NR3C1: variants seen among roughly 807,000 people sequenced by gnomAD.
NR3C1 encodes the protein glucocorticoid receptor.
NR3C1 carries 14 observed loss-of-function variants against 74.0 expected under a neutral mutation model. The ratio of observed to expected loss-of-function variants is 0.19; its 90% CI spans 0.12 to 0.30. The LOEUF (loss-of-function observed/expected upper bound fraction) is 0.30. NR3C1 is among the 10% of genes least tolerant of loss of function. The pLI is 1.00. For synonymous variants in NR3C1, 308 were observed against 332.5 expected (o/e 0.93, Z 0.80); for missense variants, 695 against 909.8 (o/e 0.76, Z 3.04).
chr5:143,404,284 G>A (rs1840897257), upstream of NR3C1: 1 of 985,592 alleles, frequency 1.0e-6, no homozygotes, highest in Non-Finnish European at 1.2e-6. Context: ...GTGCCGCAGC[G>A]TCTCGGCCGC....
At chr5:143,347,692 T>G (rs1829549262) in intron 2 of NR3C1, among the ~76,000 whole-genome samples, 1 of 152,214 alleles carries the variant, frequency 6.6e-6, no homozygotes, top group African/African-American at 2.4e-5. Flanking sequence ...TGTAGAAATT[T>G]AGATCAAACA....
At chr5:143,330,565 A>G (rs563014555) in intron 2 of NR3C1, among the ~76,000 whole-genome samples, 2 of 152,330 alleles carry the variant, frequency 1.3e-5, no homozygotes, top group East Asian at 3.9e-4. Context: ...AGGAATAAGA[A>G]TGTGAATGTC....
intron 2 of NR3C1, among the ~76,000 whole-genome samples, chr5:143,383,665 A>C (rs1396026265): frequency 6.6e-6 from 1 of 152,236 alleles, no homozygotes; most frequent in Non-Finnish European, 1.5e-5. Flanking sequence ...TATTGTTAAA[A>C]GCAGAGAGAA....
intron 3 of NR3C1, among the ~76,000 whole-genome samples, chr5:143,311,787 C>CGT (rs889650364): frequency 6.6e-5 from 9 of 136,176 alleles, no homozygotes; most frequent in Non-Finnish European, 1.2e-4. Flanking sequence ...GCCTGGATAA[C>CGT]GTTTTTTTTT....
chr5:143,392,110 C>T (rs534657517), intron 2 of NR3C1, among the ~76,000 whole-genome samples: 1 of 152,210 alleles, frequency 6.6e-6, no homozygotes, highest in African/African-American at 2.4e-5. Context: ...GGACTACAGG[C>T]ACCAGCCACC....
intron 2 of NR3C1, among the ~76,000 whole-genome samples, chr5:143,333,628 T>A (rs1826471632): frequency 1.3e-5 from 2 of 151,974 alleles, no homozygotes; most frequent in South Asian, 4.1e-4. Context: ...ATGAGCTGGG[T>A]GTGGTGGCAC....
intron 2 of NR3C1, among the ~76,000 whole-genome samples, chr5:143,392,158 G>C (rs1210116886): frequency 6.6e-6 from 1 of 151,926 alleles, no homozygotes; most frequent in Non-Finnish European, 1.5e-5. Context: ...GTAGAGACAG[G>C]GTTTCACCGT....
chr5:143,286,409 C>T (rs1429808102), intron 7 of NR3C1, among the ~76,000 whole-genome samples: 11 of 151,984 alleles, frequency 7.2e-5, no homozygotes, highest in Non-Finnish European at 1.5e-4. Context: ...TATATCATAA[C>T]CAAATAGGAT....
intron 2 of NR3C1, among the ~76,000 whole-genome samples, chr5:143,355,813 A>G (rs952977721): frequency 6.6e-6 from 1 of 152,220 alleles, no homozygotes; most frequent in Non-Finnish European, 1.5e-5. Context: ...AATACTTAAT[A>G]ATTAGTACAG....
chr5:143,391,863 G>A (rs776373418), intron 2 of NR3C1, among the ~76,000 whole-genome samples: 1 of 152,096 alleles, frequency 6.6e-6, no homozygotes, highest in Non-Finnish European at 1.5e-5. Context: ...ATGTCATAAC[G>A]TACTTAGCCA....
Position 143,310,233 on chromosome 5 carries a change from C to A in NR3C1, c.1352-20G>T. ...GCTGTCCTATATGGAATAAAAGGCA[C>A]TATTAAAGTTTCACAGGTCTTCAAA... On this transcript the variant is annotated intron_variant, in intron 3 of 8. Transcript: ENST00000394464. The A allele has an allele frequency of 6.5e-7, 1 of 1,536,508 alleles. No individual in the cohort carries two copies. Among genetic ancestry groups the A allele is most frequent in the Non-Finnish European group, 9.0e-7 (1 of 1,111,480 alleles).
intron 2 of NR3C1, among the ~76,000 whole-genome samples, chr5:143,364,243 A>G (rs920191911): frequency 1.3e-5 from 2 of 152,258 alleles, no homozygotes; most frequent in Non-Finnish European, 2.9e-5. Flanking sequence ...TGACATATTC[A>G]TAATGCTGAA....
At chr5:143,309,009 T>C (rs1201496941) in intron 4 of NR3C1, among the ~76,000 whole-genome samples, 1 of 152,110 alleles carries the variant, frequency 6.6e-6, no homozygotes, top group Admixed American at 6.6e-5. Flanking sequence ...AGATCAGTGT[T>C]AATTATACAA....
At chr5:143,285,395 T>TAAAC (rs1171008880) in intron 7 of NR3C1, among the ~76,000 whole-genome samples, 1 of 152,144 alleles carries the variant, frequency 6.6e-6, no homozygotes, top group East Asian at 1.9e-4. Context: ...TCTAACATTA[T>TAAAC]AAACACCTTT....
Position 143,400,739 on chromosome 5 carries a change from C to G in NR3C1, c.101G>C (p.Arg34Thr). ...AGAAACCTTCACAGTAGCTCCTCCT[C>G]TTAGGGTTTTATAGAAGTCCATCAC... ...GDVMDFYKTLRGGATVKVSAS... is the reference protein window; with the variant it reads ...GDVMDFYKTLTGGATVKVSAS... Residue 34 changes from arginine to threonine, a missense_variant, in exon 2 of 9, where the codon AGA (arginine) becomes ACA (threonine). Arg to Thr is a moderately conservative substitution (Grantham distance 71). This residue lies in a region of NR3C1 where 497 missense variants were observed against 489.5 expected (regional missense o/e 1.02). Transcript: ENST00000394464. 6.2e-7 allele frequency: 1 copy of G among 1,614,222 alleles called. No homozygotes were observed. Among genetic ancestry groups the G allele is most frequent in the South Asian group, 1.1e-5 (1 of 91,082 alleles).
intron 6 of NR3C1, among the ~76,000 whole-genome samples, chr5:143,295,811 A>C (rs1003960985): frequency 3.9e-5 from 6 of 152,200 alleles, no homozygotes; most frequent in Non-Finnish European, 8.8e-5. Flanking sequence ...CTAATGTAAC[A>C]GTGGAGATAT....
In NR3C1 at chr5:143,278,377, G is replaced by A. The variant is rs1053315043; in HGVS notation, c.*3512C>T. The A allele has an allele frequency of 2.6e-5, 4 of 151,984 alleles. No homozygotes were observed. Among genetic ancestry groups the A allele is most frequent in the Admixed American group, 2.6e-4 (4 of 15,266 alleles). The allele number at this position is 151,984 out of a possible 1,614,324, so 9.4% of individuals were successfully genotyped here. On this transcript the variant is annotated 3_prime_UTR_variant, in exon 9 of 9. Coordinates refer to ENST00000394464, the MANE Select transcript of NR3C1 (RefSeq NM_000176.3). ...GTAGTTAAGCAAGTTATTTGAGGAG[G>A]GTATTTTCATACAGCCTTTCATCAG... is the stretch of plus-strand genomic sequence containing the variant.
chr5:143,359,516 T>A (rs1257557465), intron 2 of NR3C1, among the ~76,000 whole-genome samples: 38 of 152,234 alleles, frequency 2.5e-4, no homozygotes, highest in Admixed American at 2.5e-3. Flanking sequence ...CCTGAAGTGT[T>A]TGCTTTTACA....
chr5:143,389,915 G>T, intron 2 of NR3C1: 1 of 977,590 alleles, frequency 1.0e-6, no homozygotes, highest in Non-Finnish European at 1.2e-6. Flanking sequence ...CCATTTCTTA[G>T]CTCTGAAAAC....
Sources: gnomAD v4.1 joint callset for allele counts (sites outside exome capture counted in the v4.1 genomes callset) on GRCh38, gnomAD v4.1.1 for gene constraint, gnomAD v4.1.1 regional missense constraint, MANE v1.5 for transcripts, NCBI Gene and HGNC (gene_info 2026-07-23, HGNC 2026-07-21) for gene names.